The following GET4 variants were observed in gnomAD, a reference collection of about 807,000 sequenced individuals.
GET4 encodes Golgi to ER traffic protein 4 homolog.
A neutral mutation model predicts 40.0 loss-of-function variants in GET4; 20 were observed. The observed-to-expected ratio is 0.50, with a 90% CI of 0.35 to 0.73. The LOEUF (loss-of-function observed/expected upper bound fraction) is 0.73. GET4 is among the 30% of genes least tolerant of loss of function. The pLI is 0.01. For missense variants in GET4, 557 were observed against 454.0 expected (o/e 1.23, Z -2.06); for synonymous variants, 280 against 194.6 (o/e 1.44, Z -3.65).
intron 4 of GET4, among the ~76,000 whole-genome samples, chr7:888,564 C>T (rs1240038508): frequency 6.6e-6 from 1 of 152,254 alleles, no homozygotes; most frequent in Non-Finnish European, 1.5e-5. Context: ...GAACCCGGTC[C>T]TGGCTGTGTG....
At position 887,282 on chromosome 7, in the gene GET4, C is replaced by G. The variant is rs534887267; in HGVS notation, c.317-88C>G. On this transcript the variant is annotated intron_variant, in intron 3 of 8. Transcript: ENST00000265857. ...GGTTCCTCTCCCTGTTAAGTAGTTG[C>G]GAATGGAAATCCACTTCTGTGGGGA... 7.4e-6 allele frequency: 10 copies of G among 1,342,606 alleles called. No individual in the cohort carries two copies. In the East Asian group the frequency reaches 1.4e-4, roughly 19 times the overall value. The allele number at this position is 1,342,606 out of a possible 1,614,324, so 83.2% of individuals were successfully genotyped here.
Position 895,329 on chromosome 7 carries a change from T to G in GET4, c.896-5T>G. 6.6e-7 allele frequency: 1 copy of G among 1,516,924 alleles called. No individual in the cohort carries two copies. Among genetic ancestry groups the G allele is most frequent in the Non-Finnish European group, 9.1e-7 (1 of 1,097,920 alleles). 94.0% of individuals were successfully genotyped at this position (1,516,924 alleles called of 1,614,324 possible). A position where few individuals can be genotyped will look rare whatever the true frequency, so the allele number is the denominator to read the frequency against. On this transcript the variant is annotated splice_region_variant and splice_polypyrimidine_tract_variant and intron_variant, in intron 8 of 8. Transcript: ENST00000265857. ...GCGTGACTGCCACGGTGTTCTTCTT[T>G]CCAGGGAACCTTCTGACCAGCCTCA...
intron 1 of GET4, 78 bp from the exon 2 acceptor site, chr7:885,978 C>T (rs1330755028): frequency 4.5e-6 from 4 of 896,406 alleles, no homozygotes; most frequent in African/African-American, 3.3e-5. Flanking sequence ...TTGTTTTTAG[C>T]TTCTGACCTG....
chr7:884,471 C>G, intron 1 of GET4: 1 of 729,170 alleles, frequency 1.4e-6, no homozygotes, highest in Non-Finnish European at 2.0e-6. Flanking sequence ...TGCAGGCTGA[C>G]GGGGGTGCGG....
chr7:891,497 T>G (rs569570948), intron 5 of GET4, among the ~76,000 whole-genome samples: 1 of 150,634 alleles, frequency 6.6e-6, no homozygotes, highest in Non-Finnish European at 1.5e-5. Context: ...CGTGGTCCCT[T>G]CCGCCAGCTC....
At chr7:895,202 CA>C in intron 8 of GET4, 131 bp from the exon 9 acceptor site, 1 of 559,808 alleles carries the variant, frequency 1.8e-6, no homozygotes, top group Non-Finnish European at 3.3e-6. Context: ...GGGTCGTAGA[CA>C]GTAGCGATGT....
chr7:893,154 G>C (rs1277150804), intron 6 of GET4, among the ~76,000 whole-genome samples: 3 of 137,848 alleles, frequency 2.2e-5, no homozygotes, highest in Admixed American at 7.6e-5. Context: ...TGAGTGTTGG[G>C]TGTAGGCGTG....
intron 4 of GET4, among the ~76,000 whole-genome samples, chr7:889,738 CG>C (rs1392376564): frequency 5.5e-4 from 56 of 101,188 alleles, no homozygotes; most frequent in African/African-American, 1.6e-3. Context: ...GGTGTTAGGA[CG>C]GGGTCTGGGA....
Position 896,269 on chromosome 7 carries a change from C to CG in GET4, c.*848dup, listed in dbSNP as rs1844492347. 6.6e-6 allele frequency: 1 copy of CG among 152,300 alleles called. No homozygotes were observed. Among genetic ancestry groups the CG allele is most frequent in the South Asian group, 2.1e-4 (1 of 4,830 alleles). 9.4% of individuals were successfully genotyped at this position (152,300 alleles called of 1,614,324 possible). ...GATGCTACTCCAAATGTTACCAGAA[C>CG]GATGACAAAAGGGGAGACGCTCTAT... On this transcript the variant is annotated 3_prime_UTR_variant, in exon 9 of 9. Transcript: ENST00000265857.
chr7:879,190 G>A (rs536911627), intron 1 of GET4, among the ~76,000 whole-genome samples: 1 of 152,360 alleles, frequency 6.6e-6, no homozygotes, highest in East Asian at 1.9e-4. Flanking sequence ...GTTGTAGTTT[G>A]CTAGTTCATG....
intron 1 of GET4, among the ~76,000 whole-genome samples, chr7:877,529 C>G (rs1473042131): frequency 9.7e-6 from 1 of 103,066 alleles, no homozygotes; most frequent in East Asian, 2.8e-4. Flanking sequence ...CTGCTGCCCC[C>G]AACCCCGGCT....
intron 5 of GET4, among the ~76,000 whole-genome samples, chr7:891,493 C>G (rs549761915): frequency 1.3e-5 from 2 of 149,324 alleles, no homozygotes; most frequent in Admixed American, 6.6e-5. Context: ...CCTGCGTGGT[C>G]CCTTCCGCCA....
chr7:880,664 C>T (rs10276893), intron 1 of GET4: 66,995 of 152,070 alleles, frequency 0.44, 14,811 homozygotes, highest in Middle Eastern at 0.5. Flanking sequence ...GCCCGGGACA[C>T]GTTACTGAAC....
In GET4 at chr7:895,766, G is replaced by GA. The variant is rs1844470179; in HGVS notation, c.*344_*345insA. On this transcript the variant is annotated 3_prime_UTR_variant, in exon 9 of 9. Transcript: ENST00000265857. ...GCAGCACAGGAGGCCCGTCCTCGGGGGGCTGCGCACATCACGCTCCTTGCC... is the reference window on the plus strand; with the variant it reads ...GCAGCACAGGAGGCCCGTCCTCGGGGAGGCTGCGCACATCACGCTCCTTGCC... 5.6e-6 allele frequency: 1 copy of GA among 177,298 alleles called. No homozygotes were observed. The highest frequency in any genetic ancestry group is 1.2e-5 in the Non-Finnish European group (1 of 84,322). 11.0% of individuals were successfully genotyped at this position (177,298 alleles called of 1,614,324 possible).
chr7:890,550 T>C (rs571276985), intron 4 of GET4, among the ~76,000 whole-genome samples: 1 of 152,148 alleles, frequency 6.6e-6, no homozygotes, highest in East Asian at 1.9e-4. Context: ...TTGATCTACA[T>C]CCGAGGTGCA....
chr7:891,058 C>T lies in GET4; in HGVS notation c.597C>T (p.Ala199=), dbSNP rs999809216. 20 of 1,601,472 alleles carry T rather than the reference C, an allele frequency of 1.2e-5. No homozygotes were observed. The highest frequency in any genetic ancestry group is 2.7e-5 in the African/African-American group (2 of 74,648). ...AGGTGGACATGTTCGTGGCCCAGGC[C>T]GTGCTACAGTAGGTGTCTGTGGCTC... ...RSEVDMFVAQ[A]VLQFLCLKNK... is the part of the protein sequence containing the mutation. Residue 199 remains alanine, a synonymous_variant, in exon 5 of 9, where the codon GCC becomes GCT. Coordinates refer to ENST00000265857, the MANE Select transcript of GET4 (RefSeq NM_015949.3).
At chr7:883,231 G>A (rs951274846) in intron 1 of GET4, 3 of 152,334 alleles carry the variant, frequency 2.0e-5, no homozygotes, top group Non-Finnish European at 2.9e-5. Context: ...GCTTTAGCTC[G>A]CGGCAGTCGG....
Position 890,871 on chromosome 7 carries a change from C to A in GET4, c.467-57C>A. 6 of 1,367,256 alleles carry A rather than the reference C, an allele frequency of 4.4e-6. No homozygotes were observed. In the South Asian group the frequency reaches 7.0e-5, roughly 16 times the overall value. 84.7% of individuals were successfully genotyped at this position (1,367,256 alleles called of 1,614,324 possible). The stretch of plus-strand genomic sequence containing the variant: ...TAACATGGAGTGTCTTTCCCCCTTT[C>A]CTTTTCTGTGTTATATTCGTGAAAT... On this transcript the variant is annotated intron_variant, in intron 4 of 8. Transcript: ENST00000265857.
chr7:887,030 C>A, intron 3 of GET4: 2 of 542,016 alleles, frequency 3.7e-6, no homozygotes, highest in South Asian at 1.8e-5. Flanking sequence ...GGCTGCAAGT[C>A]CCACTCCTAG....
Sources: allele counts gnomAD v4.1 joint callset (sites outside exome capture counted in the v4.1 genomes callset), GRCh38; gene constraint gnomAD v4.1.1; transcripts MANE v1.5; gene names NCBI Gene and HGNC (gene_info 2026-07-23, HGNC 2026-07-21).